CNKSR2: variants seen among roughly 807,000 people sequenced by gnomAD.
The protein encoded by CNKSR2 is connector enhancer of kinase suppressor of Ras 2.
In CNKSR2, 14 loss-of-function variants were observed where a neutral mutation model predicts 84.4. The observed-to-expected ratio is 0.17, with a 90% confidence interval of 0.11 to 0.26. The LOEUF is 0.26. Among genes scored for constraint, CNKSR2 ranks in the 10% least tolerant of loss-of-function variants. The pLI is 1.00. For missense variants in CNKSR2, 485 were observed against 771.2 expected (o/e 0.63, Z 4.40); for synonymous variants, 275 against 277.9 (o/e 0.99, Z 0.10).
At chrX:21,611,239 T>C (rs1205798719) in intron 20 of CNKSR2, among the ~76,000 whole-genome samples, 2 of 112,700 alleles carry the variant, frequency 1.8e-5, no homozygotes, top group Non-Finnish European at 3.8e-5. Flanking sequence ...ATTTCAACTG[T>C]CATTCAGGTA....
chrX:21,456,399 ACT>A (rs1359217021), intron 4 of CNKSR2, among the ~76,000 whole-genome samples: 1 of 110,543 alleles, frequency 9.0e-6, no homozygotes, highest in Non-Finnish European at 1.9e-5. Context: ...CCACCATTCT[ACT>A]CTCTGTTACT....
chrX:21,594,885 T>A (rs2092442925), intron 15 of CNKSR2, 89 bp from the exon 16 acceptor site: 1 of 641,254 alleles, frequency 1.6e-6, no homozygotes, highest in South Asian at 3.0e-5. Flanking sequence ...ACGGATTTAT[T>A]AGTACAGATA....
intron 11 of CNKSR2, among the ~76,000 whole-genome samples, chrX:21,535,737 A>G (rs1346814010): frequency 9.0e-6 from 1 of 111,494 alleles, no homozygotes; most frequent in East Asian, 2.8e-4. Context: ...ACTTTATTGA[A>G]GTTCTTAATC....
chrX:21,607,057 G>A (rs1379423309), intron 19 of CNKSR2, among the ~76,000 whole-genome samples, 178 bp downstream of exon 19: 1 of 111,760 alleles, frequency 8.9e-6, no homozygotes, highest in Non-Finnish European at 1.9e-5. Context: ...GAATATTTAA[G>A]CAGGAAAAAC....
chrX:21,438,755 A>C (rs2090743822), intron 3 of CNKSR2, among the ~76,000 whole-genome samples: 1 of 111,502 alleles, frequency 9.0e-6, no homozygotes, highest in African/African-American at 3.3e-5. Flanking sequence ...TGCAACAAAC[A>C]GATATGAAAA....
intron 8 of CNKSR2, among the ~76,000 whole-genome samples, chrX:21,507,808 A>T (rs763084520): frequency 8.9e-5 from 10 of 111,858 alleles, no homozygotes; most frequent in African/African-American, 2.9e-4. Context: ...TTGTAAGTAT[A>T]GATTTTCCAC....
intron 4 of CNKSR2, among the ~76,000 whole-genome samples, chrX:21,463,999 C>A (rs2147129759): frequency 8.9e-6 from 1 of 111,911 alleles, no homozygotes; most frequent in East Asian, 2.8e-4. Context: ...AGTCCACTGT[C>A]TCTGGGCCCA....
At chrX:21,492,060 G>A (rs1358780549) in intron 6 of CNKSR2, 1 of 111,324 alleles carries the variant, frequency 9.0e-6, no homozygotes, top group Non-Finnish European at 1.9e-5. Context: ...AGTCATGTAG[G>A]TGAGGGAGAT....
chrX:21,516,042 C>G (rs2091725014), intron 8 of CNKSR2, among the ~76,000 whole-genome samples: 1 of 111,464 alleles, frequency 9.0e-6, no homozygotes, highest in African/African-American at 3.3e-5. Flanking sequence ...ACACTGGTAC[C>G]ACTTATCTCT....
chrX:21,530,707 T>C (rs754347519), intron 10 of CNKSR2, among the ~76,000 whole-genome samples: 1 of 110,988 alleles, frequency 9.0e-6, no homozygotes, highest in African/African-American at 3.3e-5. Context: ...GGGGGAAACA[T>C]TGCATTTACA....
intron 6 of CNKSR2, among the ~76,000 whole-genome samples, chrX:21,496,071 G>A (rs780111987): frequency 9.0e-6 from 1 of 110,742 alleles, no homozygotes; most frequent in Admixed American, 9.7e-5. Flanking sequence ...GTGACACAGT[G>A]TTAAGTATCT....
At chrX:21,511,570 A>C (rs1283568887) in intron 8 of CNKSR2, among the ~76,000 whole-genome samples, 1 of 110,292 alleles carries the variant, frequency 9.1e-6, no homozygotes, top group Non-Finnish European at 1.9e-5. Context: ...ACTGCATGTA[A>C]GATGAACCTT....
rs1052475022 is a variant in CNKSR2 at position 21,582,633 on chromosome X, A to T, written c.1609-7939A>T. On this transcript the variant is annotated intron_variant, in intron 13 of 21. Transcript: ENST00000379510. ...CCTCTTTCTTAAAATGGGGTTAATGATAACCACTTTACATATGTATTATAA... is the reference window on the plus strand; with the variant it reads ...CCTCTTTCTTAAAATGGGGTTAATGTTAACCACTTTACATATGTATTATAA... Among the ~76,000 whole-genome samples the T allele has an allele frequency of 2.7e-5, 3 of 111,870 alleles. No homozygotes were observed. In the South Asian group the frequency reaches 1.1e-3, roughly 42 times the overall value.
rs766814747 is a variant in CNKSR2 at position 21,477,151 on chromosome X, C to A, written c.561+6344C>A. On this transcript the variant is annotated intron_variant, in intron 5 of 21. Coordinates refer to ENST00000379510, the MANE Select transcript of CNKSR2 (RefSeq NM_014927.5). ...CGGCTTTGATTAAACTCATGGAAAT[C>A]CCAGGCCAGGCGTAATCATTAAGGT... Among the ~76,000 whole-genome samples the A allele has an allele frequency of 1.8e-4, 20 of 111,679 alleles. No individual in the cohort carries two copies. The South Asian group carries it at 7.5e-3, about 42-fold the overall frequency.
intron 11 of CNKSR2, among the ~76,000 whole-genome samples, chrX:21,548,041 A>C (rs1338336103): frequency 8.9e-6 from 1 of 112,001 alleles, no homozygotes; most frequent in African/African-American, 3.3e-5. Flanking sequence ...GAGCAAACAC[A>C]TTCAAAAGCT....
At chrX:21,471,343 A>G (rs904038739) in intron 5 of CNKSR2, among the ~76,000 whole-genome samples, 14 of 112,135 alleles carry the variant, frequency 1.2e-4, no homozygotes, top group African/African-American at 4.2e-4. Context: ...TGGAAAGGCC[A>G]TCTCCTGCCT....
At chrX:21,486,598 G>A (rs972716184) in intron 5 of CNKSR2, among the ~76,000 whole-genome samples, 3 of 111,654 alleles carry the variant, frequency 2.7e-5, no homozygotes, top group Non-Finnish European at 5.6e-5. Flanking sequence ...TAGGATAAAC[G>A]AGATAATAAA....
chrX:21,525,165 A>G (rs2091822879), intron 9 of CNKSR2, among the ~76,000 whole-genome samples: 1 of 111,150 alleles, frequency 9.0e-6, no homozygotes, highest in Admixed American at 9.6e-5. Flanking sequence ...TTGTAGAGGC[A>G]TGAAATGCAT....
At chrX:21,643,378 A>G (rs1481362864) in intron 20 of CNKSR2, 1 of 111,942 alleles carries the variant, frequency 8.9e-6, no homozygotes, top group Admixed American at 9.5e-5. Flanking sequence ...TATTTTTATC[A>G]TTAAACTGCA....
Sources: gnomAD v4.1 joint callset for allele counts (sites outside exome capture counted in the v4.1 genomes callset) on GRCh38, gnomAD v4.1.1 for gene constraint, MANE v1.5 for transcripts, NCBI Gene and HGNC (gene_info 2026-07-23, HGNC 2026-07-21) for gene names.